PAXIP1: variants seen among roughly 807,000 people sequenced by gnomAD.
PAXIP1 encodes PAX-interacting protein 1.
PAXIP1 carries 19 observed loss-of-function variants against 140.6 expected under a neutral mutation model. The observed-to-expected ratio is 0.14, with a 90% CI of 0.09 to 0.20. The LOEUF (loss-of-function observed/expected upper bound fraction) is 0.20. Ranked by LOEUF, PAXIP1 falls within the 10% of genes least tolerant of loss-of-function variation. The probability of loss-of-function intolerance (pLI) is 1.00; values close to 1 mark genes in which losing one functional copy is unlikely to be tolerated. For missense variants in PAXIP1, 920 were observed against 1,208.6 expected, an observed-to-expected ratio of 0.76 and a Z score of 3.54; for synonymous variants, 442 against 444.6, an observed-to-expected ratio of 0.99 and a Z score of 0.07.
intron 5 of PAXIP1, among the ~76,000 whole-genome samples, chr7:154,979,373 A>G (rs1175181876): frequency 1.3e-5 from 2 of 152,346 alleles, no homozygotes; most frequent in Middle Eastern, 3.4e-3. Flanking sequence ...TCATTAAAGA[A>G]AACAAAAACA....
chr7:154,957,901 A>G (rs1330316315), intron 13 of PAXIP1, among the ~76,000 whole-genome samples: 2 of 142,408 alleles, frequency 1.4e-5, no homozygotes, highest in Non-Finnish European at 3.0e-5. Context: ...CGGGAAGCGG[A>G]GCTTGCAGTG....
intron 10 of PAXIP1, 104 bp from the exon 11 acceptor site, chr7:154,961,752 C>T (rs1217514160): frequency 2.0e-6 from 2 of 1,015,368 alleles, no homozygotes; most frequent in African/African-American, 3.2e-5. Context: ...TTCACTATTT[C>T]TTTGGCATTA....
intron 7 of PAXIP1, among the ~76,000 whole-genome samples, chr7:154,968,176 T>C (rs535875986): frequency 3.3e-5 from 5 of 152,314 alleles, no homozygotes; most frequent in African/African-American, 1.2e-4. Flanking sequence ...GCAGCCTAGA[T>C]GTTCTACGGG....
At chr7:154,994,295 T>C (rs1012473223) in intron 2 of PAXIP1, among the ~76,000 whole-genome samples, 8 of 152,234 alleles carry the variant, frequency 5.3e-5, no homozygotes, top group African/African-American at 1.9e-4. Flanking sequence ...TTCTGGGTAA[T>C]TTATATTTTT....
chr7:154,972,661 C>T (rs1215590121), intron 6 of PAXIP1, among the ~76,000 whole-genome samples: 2 of 152,186 alleles, frequency 1.3e-5, no homozygotes, highest in Non-Finnish European at 2.9e-5. Context: ...AGCCATTTCT[C>T]GAAGTGCCAG....
chr7:154,971,858 TAA>T (rs1809347727), intron 6 of PAXIP1, among the ~76,000 whole-genome samples: 1 of 152,240 alleles, frequency 6.6e-6, no homozygotes, highest in Non-Finnish European at 1.5e-5. Flanking sequence ...CTCATATTTC[TAA>T]AGTTTCAGTC....
intron 1 of PAXIP1, chr7:155,001,499 C>CA (rs1554514284): frequency 5.0e-5 from 7 of 139,894 alleles, no homozygotes; most frequent in Non-Finnish European, 9.4e-5. Flanking sequence ...AGATAGAAGG[C>CA]TTTTTTTTTT....
At chr7:154,995,620 C>T (rs191648867) in intron 2 of PAXIP1, among the ~76,000 whole-genome samples, 35 of 152,284 alleles carry the variant, frequency 2.3e-4, no homozygotes, top group South Asian at 1.9e-3. Context: ...GAGGCCAAGG[C>T]GGGCGGATCA....
rs1247328852 is a variant in PAXIP1, at chr7:154,956,673, C to A, written c.2549+551G>T. On this transcript the variant is annotated intron_variant, in intron 14 of 20. Coordinates refer to ENST00000404141, the MANE Select transcript of PAXIP1 (RefSeq NM_007349.4). The surrounding 1 kb of genome is among the most constrained non-coding windows in gnomAD (Gnocchi z 4.2). ...TGCATTGCACATGTCCTTCCAAAGG[C>A]TTTGGGTCTGGATCCTCCTTCCCAC... The A allele has an allele frequency of 6.6e-6, 1 of 152,540 alleles. No homozygotes were observed. The highest frequency in any genetic ancestry group is 1.5e-5 in the Non-Finnish European group (1 of 68,288). The allele number at this position is 152,540 out of a possible 1,614,324, so 9.4% of individuals were successfully genotyped here.
chr7:154,992,277 G>A (rs772900565), intron 3 of PAXIP1, among the ~76,000 whole-genome samples: 9 of 152,250 alleles, frequency 5.9e-5, no homozygotes, highest in Middle Eastern at 3.4e-3. Context: ...GGCTGGGCGC[G>A]GTGGCTCATG....
intron 1 of PAXIP1, 43 bp downstream of exon 1, chr7:155,002,806 A>ACGCGGACGGGGGAGGAGGC: frequency 8.7e-7 from 1 of 1,155,956 alleles, no homozygotes; most frequent in South Asian, 1.7e-5. Flanking sequence ...ACGGACGGGG[A>ACGCGGACGGGGGAGGAGGC]CGCGGACGGG....
At chr7:154,959,636 A>T (rs1259382024) in intron 13 of PAXIP1, among the ~76,000 whole-genome samples, 1 of 152,120 alleles carries the variant, frequency 6.6e-6, no homozygotes, top group Non-Finnish European at 1.5e-5. Context: ...CATTCCCCTC[A>T]TCAAGAGACC....
Position 154,947,899 on chromosome 7 carries a change from G to A in PAXIP1, c.2922+4C>T. The stretch of plus-strand genomic sequence containing the variant: ...GACTGATTTACTTTTCCCTTAAAGT[G>A]TACCTTAAAGAGTGGAGAAACGTGT... On this transcript the variant is annotated splice_donor_region_variant and intron_variant, in intron 17 of 20. Coordinates refer to ENST00000404141, the MANE Select transcript of PAXIP1 (RefSeq NM_007349.4). The A allele has an allele frequency of 6.3e-7, 1 of 1,583,780 alleles. No homozygotes were observed. Among genetic ancestry groups the A allele is most frequent in the Non-Finnish European group, 8.7e-7 (1 of 1,152,230 alleles).
chr7:154,944,885 A>G (rs1807862326), intron 20 of PAXIP1: 1 of 152,164 alleles, frequency 6.6e-6, no homozygotes, highest in South Asian at 2.1e-4. Context: ...TATGAATGGT[A>G]AGAGCGTTTC....
Position 155,003,078 on chromosome 7 carries a change from C to T in PAXIP1, c.-149G>A. The stretch of plus-strand genomic sequence containing the variant: ...CGGTCCTGCGAATCGGGGTCCGCTC[C>T]CCCGCCCTCCGCGCCCCCGCCCGCG... On this transcript the variant is annotated 5_prime_UTR_variant, in exon 1 of 21. Transcript: ENST00000404141. The T allele has an allele frequency of 5.0e-6, 1 of 198,524 alleles. No homozygotes were observed. The highest frequency in any genetic ancestry group is 8.9e-6 in the Non-Finnish European group (1 of 112,864). The allele number at this position is 198,524 out of a possible 1,614,324, so 12.3% of individuals were successfully genotyped here.
intron 5 of PAXIP1, among the ~76,000 whole-genome samples, chr7:154,981,787 A>G (rs1052128186): frequency 6.6e-5 from 10 of 152,204 alleles, no homozygotes; most frequent in African/African-American, 2.4e-4. Flanking sequence ...CCTTCCAAAT[A>G]AAAATTTTAA....
chr7:154,957,839 C>T (rs940429409), intron 13 of PAXIP1, among the ~76,000 whole-genome samples: 4 of 151,376 alleles, frequency 2.6e-5, no homozygotes, highest in South Asian at 2.1e-4. Context: ...CGGTGGCAGG[C>T]GCCTGTAGTC....
chr7:154,968,898 T>C lies in PAXIP1; in HGVS notation c.1303A>G (p.Ile435Val). 6 of 1,157,056 alleles carry C rather than the reference T, an allele frequency of 5.2e-6. No individual in the cohort carries two copies. The highest frequency in any genetic ancestry group is 7.5e-6 in the Non-Finnish European group (6 of 795,330). 71.7% of individuals were successfully genotyped at this position (1,157,056 alleles called of 1,614,324 possible). A position where few individuals can be genotyped will look rare whatever the true frequency, so the allele number is the denominator to read the frequency against. Residue 435 changes from isoleucine (I) to valine (V), a missense_variant, in exon 7 of 21, where the codon ATC (isoleucine) becomes GTC (valine). Ile to Val is a conservative substitution (Grantham distance 29, BLOSUM62 3). Coordinates refer to ENST00000404141, the MANE Select transcript of PAXIP1 (RefSeq NM_007349.4). Reference sequence around the variant, plus strand: ...TGCTGGGGGTAAGGTTGCTGAGAGATCTGCTGCTGCTGCTGCTGCTGGAGC... The same window carrying C: ...TGCTGGGGGTAAGGTTGCTGAGAGACCTGCTGCTGCTGCTGCTGCTGGAGC... ...MQLQQQQQQQ[I>V]SQQPYPQQPP...
chr7:154,992,332 A>C (rs1261754149), intron 3 of PAXIP1, among the ~76,000 whole-genome samples: 2 of 152,172 alleles, frequency 1.3e-5, no homozygotes, highest in Non-Finnish European at 2.9e-5. Flanking sequence ...GTGGACCACA[A>C]GGTCTAGAGA....
Sources: gnomAD v4.1 joint callset for allele counts (sites outside exome capture counted in the v4.1 genomes callset) on GRCh38, gnomAD v4.1.1 for gene constraint, Gnocchi (gnomAD v3.1) non-coding constraint, MANE v1.5 for transcripts, NCBI Gene and HGNC (gene_info 2026-07-23, HGNC 2026-07-21) for gene names.